SH3GLB2: variants seen among roughly 807,000 people sequenced by gnomAD.
The protein encoded by SH3GLB2 is endophilin-B2.
A neutral mutation model predicts 48.0 loss-of-function variants in SH3GLB2; 24 were observed. That is an observed-to-expected ratio of 0.50 (90% CI 0.36 to 0.70). The LOEUF is 0.70. Ranked by LOEUF, SH3GLB2 falls within the 30% of genes least tolerant of loss-of-function variation. The pLI is 0.00. For missense variants in SH3GLB2, 425 were observed against 516.0 expected (o/e 0.82, Z 1.71); for synonymous variants, 227 against 207.6 (o/e 1.09, Z -0.80).
At position 129,009,339 on chromosome 9, in the gene SH3GLB2, C is replaced by A; in HGVS notation, c.847G>T (p.Gly283Cys). 6.5e-7 allele frequency: 1 copy of A among 1,547,270 alleles called. No individual in the cohort carries two copies. Among genetic ancestry groups the A allele is most frequent in the Non-Finnish European group, 8.7e-7 (1 of 1,144,122 alleles). The change falls in exon 10 of 11, where the codon GGC becomes TGC. Residue 283 changes from glycine to cysteine, a missense_variant. By Grantham distance (159) the Gly-to-Cys change is radical (BLOSUM62 -3). Transcript: ENST00000372564. ...GGCTCTGTGGTGCCCACGAAGGTGC[C>A]GGGAAATCTGGAGAGGAGGGATACA... is the stretch of plus-strand genomic sequence containing the variant. The part of the protein sequence containing the change: ...DLQKQLGRFP[G>C]TFVGTTEPAS...
At position 129,009,778 on chromosome 9, in the gene SH3GLB2, G is replaced by A; in HGVS notation, c.832C>T (p.Leu278=). Residue 278 remains leucine, a synonymous_variant, in exon 9 of 11, where the codon CTG becomes TTG. Transcript: ENST00000372564. The part of the protein sequence containing the change: ...YRHMLDLQKQ[L]GRFPGTFVGT... ...GCAGTGCTGGCCCCGCACCTGCCCA[G>A]CTGCTTCTGCAAGTCCAGCATGTGG... is the stretch of plus-strand genomic sequence containing the variant. 1 of 1,612,850 alleles carries A rather than the reference G, an allele frequency of 6.2e-7. No homozygotes were observed. The highest frequency in any genetic ancestry group is 1.6e-4 in the Middle Eastern group (1 of 6,062).
At position 129,008,461 on chromosome 9, in the gene SH3GLB2, AG is replaced by A; in HGVS notation, c.*222del. The A allele has an allele frequency of 2.0e-6, 1 of 504,646 alleles. No individual in the cohort carries two copies. The highest frequency in any genetic ancestry group is 1.9e-5 in the African/African-American group (1 of 51,548). The allele number at this position is 504,646 out of a possible 1,614,324, so 31.3% of individuals were successfully genotyped here. A position where few individuals can be genotyped will look rare whatever the true frequency, so the allele number is the denominator to read the frequency against. On this transcript the variant is annotated 3_prime_UTR_variant, in exon 11 of 11. Coordinates refer to ENST00000372564, the MANE Select transcript of SH3GLB2 (RefSeq NM_020145.4). ...GGGTGGGGTGCTCGGGGATGCAGGC[AG>A]GGGCAGGGGCTCCAGAGCCACAGGT... is the stretch of plus-strand genomic sequence containing the variant.
intron 1 of SH3GLB2, among the ~76,000 whole-genome samples, chr9:129,024,238 C>G (rs577221053): frequency 2.3e-5 from 3 of 132,812 alleles, no homozygotes; most frequent in African/African-American, 8.9e-5. Flanking sequence ...CCTGGGCAAC[C>G]GTGAGACCTC....
intron 7 of SH3GLB2, 148 bp downstream of exon 7, chr9:129,010,522 G>A: frequency 2.2e-6 from 2 of 894,420 alleles, no homozygotes; most frequent in South Asian, 1.6e-5. Context: ...CCACAGAGGG[G>A]AAACTGAGGC....
intron 1 of SH3GLB2, 47 bp downstream of exon 1, chr9:129,028,045 C>T (rs1450496843): frequency 2.7e-6 from 4 of 1,485,042 alleles, no homozygotes; most frequent in Non-Finnish European, 3.6e-6. Flanking sequence ...GCTCCCCGCC[C>T]GCCGCACATC....
chr9:129,024,337 G>A (rs954210720), intron 1 of SH3GLB2, among the ~76,000 whole-genome samples: 2 of 151,788 alleles, frequency 1.3e-5, no homozygotes, highest in Admixed American at 6.6e-5. Context: ...CAAGGCAGGC[G>A]GATCACGAGG....
In SH3GLB2 at chr9:129,012,127, C is replaced by T. The variant is rs575097063; in HGVS notation, c.624+109G>A. ...GGACTGACCTGATCACATGGCAGTG[C>T]CCCCGCCTTACCCAAGCTGGCTTCT... On this transcript the variant is annotated intron_variant, in intron 6 of 10. Coordinates refer to ENST00000372564, the MANE Select transcript of SH3GLB2 (RefSeq NM_020145.4). 25 of 649,858 alleles carry T rather than the reference C, an allele frequency of 3.8e-5. No individual in the cohort carries two copies. The African/African-American group carries it at 4.3e-4, about 11-fold the overall frequency. 40.3% of individuals were successfully genotyped at this position (649,858 alleles called of 1,614,324 possible).
rs2131210349 is a variant in SH3GLB2 at position 129,007,543 on chromosome 9, G to A, written c.*1141C>T. On this transcript the variant is annotated 3_prime_UTR_variant, in exon 11 of 11. Transcript: ENST00000372564. ...ATCTAAAACACAGACATCACTTAGG[G>A]TTTCTAGAATCAGGCTGCCTGGGCT... 6.6e-6 allele frequency: 1 copy of A among 152,318 alleles called. No individual in the cohort carries two copies. The highest frequency in any genetic ancestry group is 2.1e-4 in the South Asian group (1 of 4,830). The allele number at this position is 152,318 out of a possible 1,614,324, so 9.4% of individuals were successfully genotyped here.
intron 3 of SH3GLB2, chr9:129,015,938 T>C (rs1171201325): frequency 1.4e-5 from 3 of 213,624 alleles, no homozygotes. Flanking sequence ...ATAAGATGAA[T>C]TGTCTTCTCA....
At position 129,009,129 on chromosome 9, in the gene SH3GLB2, C is replaced by T. The variant is rs1319656788; in HGVS notation, c.1057G>A (p.Glu353Lys). ...ACCTCATCAGCCAGCAGGGCCAGCTCACTGCTGTCGGCTGCCTCGTAGTCA... is the reference window on the plus strand; with the variant it reads ...ACCTCATCAGCCAGCAGGGCCAGCTTACTGCTGTCGGCTGCCTCGTAGTCA... ...LYDYEAADSS[E>K]LALLADELIT... Residue 353 changes from glutamate to lysine, a missense_variant, in exon 10 of 11, where the codon GAG becomes AAG. Physicochemically the swap from Glu to Lys is moderately conservative, Grantham distance 56. Coordinates refer to ENST00000372564, the MANE Select transcript of SH3GLB2 (RefSeq NM_020145.4). 1.2e-6 allele frequency: 2 copies of T among 1,610,238 alleles called. No individual in the cohort carries two copies. Among genetic ancestry groups the T allele is most frequent in the South Asian group, 2.2e-5 (2 of 91,076 alleles).
rs960459246 is a variant in SH3GLB2 at position 129,028,271 on chromosome 9, C to CGCCTGCCG, written c.-125_-118dup. The CGCCTGCCG allele has an allele frequency of 6.7e-5, 43 of 639,142 alleles. No individual in the cohort carries two copies. Among genetic ancestry groups the CGCCTGCCG allele is most frequent in the African/African-American group, 1.3e-4 (6 of 45,150 alleles). The allele number at this position is 639,142 out of a possible 1,614,324, so 39.6% of individuals were successfully genotyped here. A position where few individuals can be genotyped will look rare whatever the true frequency, so the allele number is the denominator to read the frequency against. On this transcript the variant is annotated 5_prime_UTR_variant, in exon 1 of 11. Transcript: ENST00000372564. ...GCGGGGCACCAGCCCTCCGCGCACC[C>CGCCTGCCG]GCCTGCCGGCCTGCCCGCCTGCCCG... is the stretch of plus-strand genomic sequence containing the variant.
At chr9:129,013,955 G>A in intron 5 of SH3GLB2, 1 of 455,766 alleles carries the variant, frequency 2.2e-6, no homozygotes, top group Middle Eastern at 3.3e-4. Context: ...CTCGGACACG[G>A]CCCTGAGCAA....
chr9:129,010,580 T>C (rs1403646459), intron 7 of SH3GLB2, 90 bp downstream of exon 7: 10 of 1,461,472 alleles, frequency 6.8e-6, no homozygotes, highest in Non-Finnish European at 9.5e-6. Flanking sequence ...TGGGGCAGAG[T>C]GAGAAACAGA....
chr9:129,009,215 G>A lies in SH3GLB2; in HGVS notation c.971C>T (p.Ser324Leu), dbSNP rs777009458. 15 of 1,607,972 alleles carry A rather than the reference G, an allele frequency of 9.3e-6. No homozygotes were observed. The highest frequency in any genetic ancestry group is 1.6e-4 in the Middle Eastern group (1 of 6,074). ...VASLAPPGEA[S>L]LCLEEVAPPA... ...GGGGGCCACCTCTTCCAGGCAGAGC[G>A]AGGCCTCCCCCGGAGGGGCCAGGCT... Residue 324 changes from serine (S) to leucine (L), a missense_variant, in exon 10 of 11, where the codon TCG becomes TTG. Transcript: ENST00000372564.
At chr9:129,017,050 C>G (rs555537564) in intron 3 of SH3GLB2, among the ~76,000 whole-genome samples, 2 of 150,300 alleles carry the variant, frequency 1.3e-5, no homozygotes, top group Non-Finnish European at 3.0e-5. Context: ...CGGGTTCCAG[C>G]AATTCTCCTG....
At chr9:129,018,662 G>A (rs1020403677) in intron 3 of SH3GLB2, among the ~76,000 whole-genome samples, 1 of 151,354 alleles carries the variant, frequency 6.6e-6, no homozygotes, top group East Asian at 1.9e-4. Flanking sequence ...GGGAGGCCGA[G>A]GCGGGTGGAT....
At chr9:129,010,900 C>A in intron 6 of SH3GLB2, 1 of 607,336 alleles carries the variant, frequency 1.6e-6, no homozygotes, top group Non-Finnish European at 3.0e-6. Flanking sequence ...ATGCCTCATG[C>A]AGGAGGGGAG....
rs138289691 is a variant in SH3GLB2 at position 129,022,353 on chromosome 9, C to A, written c.134G>T (p.Arg45Leu). The change falls in exon 2 of 11, where the codon CGG becomes CTG. Residue 45 changes from arginine (R) to leucine (L), a missense_variant. Coordinates refer to ENST00000372564, the MANE Select transcript of SH3GLB2 (RefSeq NM_020145.4). Reference protein sequence around the residue: ...LDAHFENLLARADSTKNWTEK... With the variant: ...LDAHFENLLALADSTKNWTEK... ...TGTCCAGTTCTTGGTGCTGTCTGCC[C>A]GGGCCAGAAGGTTTTCAAAGTGGGC... is the stretch of plus-strand genomic sequence containing the variant. The A allele has an allele frequency of 1.9e-6, 3 of 1,614,096 alleles. No individual in the cohort carries two copies. In the South Asian group the frequency reaches 3.3e-5, roughly 18 times the overall value.
chr9:129,025,147 G>A (rs1006715011), intron 1 of SH3GLB2, among the ~76,000 whole-genome samples: 2 of 151,382 alleles, frequency 1.3e-5, no homozygotes, highest in African/African-American at 2.4e-5. Flanking sequence ...GTGGTGGTGG[G>A]CGCCTGTAAT....
Sources: gnomAD v4.1 joint callset for allele counts (sites outside exome capture counted in the v4.1 genomes callset) on GRCh38, gnomAD v4.1.1 for gene constraint, MANE v1.5 for transcripts, NCBI Gene and HGNC (gene_info 2026-07-23, HGNC 2026-07-21) for gene names.